Variants in ACSL1 observed in about 807,000 individuals in gnomAD.
ACSL1 encodes the protein long-chain-fatty-acid--CoA ligase 1.
A neutral mutation model predicts 98.4 loss-of-function variants in ACSL1; 41 were observed. The ratio of observed to expected loss-of-function variants is 0.42; its 90% CI spans 0.32 to 0.54. ACSL1 has a LOEUF of 0.54. ACSL1 is among the 20% of genes least tolerant of loss of function. ACSL1 has a pLI of 0.13. For missense variants in ACSL1, 734 were observed against 883.1 expected (o/e 0.83, Z 2.14); for synonymous variants, 316 against 322.7 (o/e 0.98, Z 0.22).
intron 17 of ACSL1, among the ~76,000 whole-genome samples, chr4:184,761,929 C>T (rs1762907675): frequency 6.6e-6 from 1 of 152,054 alleles, no homozygotes; most frequent in East Asian, 1.9e-4. Context: ...GAGTTTGAGA[C>T]CAGCCTGGCC....
intron 1 of ACSL1, among the ~76,000 whole-genome samples, chr4:184,818,651 C>T (rs1772819095): frequency 6.6e-6 from 1 of 152,162 alleles, no homozygotes; most frequent in Non-Finnish European, 1.5e-5. Flanking sequence ...CTGTATTAAA[C>T]GCTGCTGAAA....
chr4:184,784,216 G>T (rs567683478), intron 3 of ACSL1, among the ~76,000 whole-genome samples: 44 of 152,172 alleles, frequency 2.9e-4, no homozygotes, highest in Admixed American at 7.2e-4. Flanking sequence ...CAGGAGAGGG[G>T]GACAGAGGGG....
rs1440053990 is a variant in ACSL1, at chr4:184,825,508, G to A, written c.-33+408C>T. ...GAGCCCGGCCTCTGGGCAGGCGGGG[G>A]CCGCGGACGAGGGCAACGTCAGCGG... On this transcript the variant is annotated intron_variant, in intron 1 of 20. Transcript: ENST00000281455. This position sits in a 1 kb window ranked among gnomAD's most constrained non-coding sequence, Gnocchi z 4.7. 6.6e-6 allele frequency among the ~76,000 whole-genome samples: 1 copy of A among 151,852 alleles called. No homozygotes were observed. Among genetic ancestry groups the A allele is most frequent in the Non-Finnish European group, 1.5e-5 (1 of 67,918 alleles).
At chr4:184,783,627 C>T (rs1378751764) in intron 4 of ACSL1, among the ~76,000 whole-genome samples, 6 of 152,212 alleles carry the variant, frequency 3.9e-5, no homozygotes, top group Non-Finnish European at 5.9e-5. Flanking sequence ...AGAAATAATG[C>T]TATGCCGCCA....
intron 14 of ACSL1, 118 bp downstream of exon 14, chr4:184,765,773 T>C: frequency 1.3e-6 from 1 of 775,590 alleles, no homozygotes; most frequent in Non-Finnish European, 2.1e-6. Context: ...TAAATATAGA[T>C]ACGCTTGTCA....
At chr4:184,802,180 T>C (rs1376627786) in intron 2 of ACSL1, among the ~76,000 whole-genome samples, 1 of 152,386 alleles carries the variant, frequency 6.6e-6, no homozygotes, top group East Asian at 1.9e-4. Flanking sequence ...AGTCATTCTA[T>C]ATTTATATTT....
chr4:184,795,920 C>T (rs575596336), intron 2 of ACSL1, among the ~76,000 whole-genome samples: 4 of 152,320 alleles, frequency 2.6e-5, no homozygotes, highest in East Asian at 3.9e-4. Context: ...AAAAACACCC[C>T]CTCTAAGCAT....
At chr4:184,819,903 C>T (rs140942422) in intron 1 of ACSL1, among the ~76,000 whole-genome samples, 1 of 152,278 alleles carries the variant, frequency 6.6e-6, no homozygotes, top group Non-Finnish European at 1.5e-5. Context: ...GATGGCAATA[C>T]TGAGAAGGCA....
In ACSL1 at chr4:184,757,777, C is replaced by T; in HGVS notation, c.1884+42G>A. The T allele has an allele frequency of 6.2e-7, 1 of 1,611,426 alleles. No individual in the cohort carries two copies. Among genetic ancestry groups the T allele is most frequent in the South Asian group, 1.1e-5 (1 of 91,012 alleles). On this transcript the variant is annotated intron_variant, in intron 19 of 20. Transcript: ENST00000281455. The surrounding 1 kb of genome is among the most constrained non-coding windows in gnomAD (Gnocchi z 4.5). ...TGAATATCTACAGGTACATTTAATG[C>T]CAAGTTATGATGAGGACAGACTGGA...
chr4:184,793,782 G>C (rs1212224514), intron 2 of ACSL1, among the ~76,000 whole-genome samples: 1 of 152,162 alleles, frequency 6.6e-6, no homozygotes, highest in Non-Finnish European at 1.5e-5. Context: ...GGGTGCAAAG[G>C]AGCATGTAGA....
rs758114004 is a variant in ACSL1 at position 184,765,933 on chromosome 4, A to G, written c.1317T>C (p.Ser439=). Residue 439 remains serine, a synonymous_variant, in exon 14 of 21, where the codon TCT becomes TCC. Transcript: ENST00000281455. ...CTCTGAGGAACGTCAGCACAGTGGC[A>G]GACACCGGGGCGGCTCCTGTCACCA... ...RLMVTGAAPV[S]ATVLTFLRAA... is the part of the protein sequence containing the mutation. 4 of 1,613,962 alleles carry G rather than the reference A, an allele frequency of 2.5e-6. No individual in the cohort carries two copies. The East Asian group carries it at 8.9e-5, about 36-fold the overall frequency.
rs1195128727 is a variant in ACSL1 at position 184,803,382 on chromosome 4, C to T, written c.133G>A (p.Ala45Thr). ...GGCTTCAGGGGTTTGGGTCTCGTGG[C>T]GTACCAGAAGGTGGTGAGTGCTGCA... ...AFAALTTFWY[A>T]TRPKPLKPPC... The change falls in exon 2 of 21, where the codon GCC (alanine) becomes ACC (threonine). Residue 45 changes from alanine to threonine, a missense_variant. By Grantham distance (58) the Ala-to-Thr change is moderately conservative (BLOSUM62 0). Transcript: ENST00000281455. This position sits in a 1 kb window ranked among gnomAD's most constrained non-coding sequence, Gnocchi z 4.8. 7 of 1,613,336 alleles carry T rather than the reference C, an allele frequency of 4.3e-6. No individual in the cohort carries two copies. Among genetic ancestry groups the T allele is most frequent in the South Asian group, 2.2e-5 (2 of 90,934 alleles).
At chr4:184,785,094 C>T (rs145097267) in intron 3 of ACSL1, among the ~76,000 whole-genome samples, 225 of 152,328 alleles carry the variant, frequency 1.5e-3, no homozygotes, top group African/African-American at 5.1e-3. Flanking sequence ...TAGTGGCACA[C>T]AGCCACACTC....
chr4:184,802,721 C>T (rs1181763990), intron 2 of ACSL1, among the ~76,000 whole-genome samples: 1 of 152,222 alleles, frequency 6.6e-6, no homozygotes, highest in African/African-American at 2.4e-5. Flanking sequence ...CATGAGAGCA[C>T]AGCCTCCAGT....
At chr4:184,764,142 G>C (rs1261829944) in intron 15 of ACSL1, among the ~76,000 whole-genome samples, 1 of 152,222 alleles carries the variant, frequency 6.6e-6, no homozygotes, top group Non-Finnish European at 1.5e-5. Flanking sequence ...TGACACAGAG[G>C]AAGCACAGAA....
intron 1 of ACSL1, among the ~76,000 whole-genome samples, chr4:184,823,875 C>T (rs2139178): frequency 0.47 from 71,189 of 152,068 alleles, 17,819 homozygotes; most frequent in African/African-American, 0.66. Flanking sequence ...TGCTGGTACA[C>T]TTTCAGTTAG....
rs1764683583 is a variant in ACSL1 at position 184,772,686 on chromosome 4, AT to A, written c.915+394del. ...ACACTGACCACAACAGATAATAATC[AT>A]TCAAAAACTTTTAACATATCATTGC... On this transcript the variant is annotated intron_variant, in intron 10 of 20. Coordinates refer to ENST00000281455, the MANE Select transcript of ACSL1 (RefSeq NM_001995.5). Among the ~76,000 whole-genome samples, 3 of 152,348 alleles carry A rather than the reference AT, an allele frequency of 2.0e-5. No homozygotes were observed. The South Asian group carries it at 6.2e-4, about 32-fold the overall frequency.
chr4:184,804,495 G>A (rs1771075260), intron 1 of ACSL1, among the ~76,000 whole-genome samples: 2 of 151,756 alleles, frequency 1.3e-5, no homozygotes, highest in African/African-American at 4.8e-5. Context: ...CAGGAGAATC[G>A]CCTGAATCCA....
At chr4:184,814,881 C>G in intron 1 of ACSL1, 1 of 376,448 alleles carries the variant, frequency 2.7e-6, no homozygotes, top group East Asian at 7.3e-5. Context: ...CACTTTCGTG[C>G]CTCTTTGAAA....
Sources: gnomAD v4.1 joint callset for allele counts (sites outside exome capture counted in the v4.1 genomes callset) on GRCh38, gnomAD v4.1.1 for gene constraint, Gnocchi (gnomAD v3.1) non-coding constraint, MANE v1.5 for transcripts, NCBI Gene and HGNC (gene_info 2026-07-23, HGNC 2026-07-21) for gene names.